The following S100A10 variants were observed in gnomAD, a reference collection of about 807,000 sequenced individuals.
S100A10 encodes the protein protein S100-A10.
In S100A10, 3 loss-of-function variants were observed where a neutral mutation model predicts 7.1. The observed-to-expected ratio is 0.42, with a 90% confidence interval of 0.19 to 1.10. The LOEUF is 1.10. Ranked by LOEUF, S100A10 falls within the 50% of genes least tolerant of loss-of-function variation. The probability of loss-of-function intolerance (pLI) is 0.29; values close to 1 mark genes in which losing one functional copy is unlikely to be tolerated. For missense variants in S100A10, 101 were observed against 118.1 expected (o/e 0.86, Z 0.67); for synonymous variants, 41 against 39.3 (o/e 1.04, Z -0.16).
chr1:151,992,744 G>A (rs868166151), intron 1 of S100A10, among the ~76,000 whole-genome samples: 2 of 152,196 alleles, frequency 1.3e-5, no homozygotes, highest in Admixed American at 6.5e-5. Context: ...GGCAGAAAAC[G>A]GGGTGGGCTT....
In S100A10 at chr1:151,993,780, G is replaced by T. The variant is rs1308725033; in HGVS notation, c.-50C>A. 3 of 156,472 alleles carry T rather than the reference G, an allele frequency of 1.9e-5. No homozygotes were observed. Among genetic ancestry groups the T allele is most frequent in the South Asian group, 3.6e-4 (2 of 5,518 alleles). The allele number at this position is 156,472 out of a possible 1,614,324, so 9.7% of individuals were successfully genotyped here. A position where few individuals can be genotyped will look rare whatever the true frequency, so the allele number is the denominator to read the frequency against. ...GGCCGAGGCGCGGCGGACGCTGGGC[G>T]AGCTGGGCGAGCTGGACGCGGGGCG... On this transcript the variant is annotated 5_prime_UTR_variant, in exon 1 of 3. Transcript: ENST00000368811. The surrounding 1 kb of genome is among the most constrained non-coding windows in gnomAD (Gnocchi z 5.1).
Position 151,983,144 on chromosome 1 carries a change from G to T in S100A10, c.*19C>A, listed in dbSNP as rs530301685. 25 of 1,531,596 alleles carry T rather than the reference G, an allele frequency of 1.6e-5. No homozygotes were observed. The East Asian group carries it at 5.5e-4, about 34-fold the overall frequency. The allele number at this position is 1,531,596 out of a possible 1,614,324, so 94.9% of individuals were successfully genotyped here. On this transcript the variant is annotated 3_prime_UTR_variant, in exon 3 of 3. Transcript: ENST00000368811. ...TTGGGACAACTCTTATCAGGGAGGAGCGAACTGCTCATTTCTGCCTACTTC... is the reference window on the plus strand; with the variant it reads ...TTGGGACAACTCTTATCAGGGAGGATCGAACTGCTCATTTCTGCCTACTTC...
At chr1:151,987,870 C>A (rs1044116154) in intron 1 of S100A10, among the ~76,000 whole-genome samples, 1 of 152,168 alleles carries the variant, frequency 6.6e-6, no homozygotes. Context: ...TTATTTACTG[C>A]AATAAAGACA....
rs1347317949 is a variant in S100A10, at chr1:151,993,596, C to T, written c.-22+156G>A. ...GCTGCTGGCCTCGTTTGGGTGTGGC[C>T]CGGAGCACTGAGCAGCGGATTCCCC... is the stretch of plus-strand genomic sequence containing the variant. On this transcript the variant is annotated intron_variant, in intron 1 of 2. Coordinates refer to ENST00000368811, the MANE Select transcript of S100A10 (RefSeq NM_002966.3). This position sits in a 1 kb window ranked among gnomAD's most constrained non-coding sequence, Gnocchi z 5.1. Among the ~76,000 whole-genome samples the T allele has an allele frequency of 6.6e-6, 1 of 152,118 alleles. No homozygotes were observed. The highest frequency in any genetic ancestry group is 1.5e-5 in the Non-Finnish European group (1 of 67,992).
At chr1:151,992,117 G>C (rs1397964155) in intron 1 of S100A10, among the ~76,000 whole-genome samples, 1 of 152,162 alleles carries the variant, frequency 6.6e-6, no homozygotes, top group East Asian at 1.9e-4. Flanking sequence ...AACTGGATAG[G>C]AATCTGTGGG....
At chr1:151,988,684 G>T (rs1162091884) in intron 1 of S100A10, among the ~76,000 whole-genome samples, 1 of 152,210 alleles carries the variant, frequency 6.6e-6, no homozygotes, top group African/African-American at 2.4e-5. Flanking sequence ...GCTGTGAGAT[G>T]AATTCCAGGG....
intron 1 of S100A10, among the ~76,000 whole-genome samples, chr1:151,987,871 A>G (rs1272692623): frequency 6.6e-6 from 1 of 152,170 alleles, no homozygotes; most frequent in Non-Finnish European, 1.5e-5. Flanking sequence ...TATTTACTGC[A>G]ATAAAGACAG....
intron 2 of S100A10, among the ~76,000 whole-genome samples, chr1:151,985,500 A>T (rs146442284): frequency 1.5e-5 from 2 of 133,688 alleles, no homozygotes; most frequent in African/African-American, 5.4e-5. Context: ...TTATGTGAAA[A>T]GCAGTTATTT....
intron 1 of S100A10, among the ~76,000 whole-genome samples, chr1:151,987,016 T>A (rs1655804711): frequency 7.0e-6 from 1 of 142,606 alleles, no homozygotes; most frequent in Non-Finnish European, 1.5e-5. Context: ...AAAAGCAACA[T>A]CAGTGTTCCT....
intron 1 of S100A10, 112 bp from the exon 2 acceptor site, chr1:151,986,363 C>T (rs1399356742): frequency 4.0e-6 from 3 of 756,692 alleles, no homozygotes; most frequent in Non-Finnish European, 6.3e-6. Flanking sequence ...TTAATGTGTA[C>T]AACATGATGT....
chr1:151,988,982 CAAAGATCCCAG>C (rs1655851704), intron 1 of S100A10, among the ~76,000 whole-genome samples: 1 of 152,156 alleles, frequency 6.6e-6, no homozygotes, highest in Admixed American at 6.5e-5. Flanking sequence ...GATCAATTCC[CAAAGATCCCAG>C]AAATTGGAAC....
intron 1 of S100A10, among the ~76,000 whole-genome samples, chr1:151,988,799 G>C (rs918246149): frequency 3.9e-5 from 6 of 152,100 alleles, no homozygotes; most frequent in Admixed American, 2.0e-4. Flanking sequence ...AGTCTGCCTT[G>C]CCTGGACTGG....
intron 2 of S100A10, among the ~76,000 whole-genome samples, chr1:151,984,788 T>C (rs1314397068): frequency 1.3e-5 from 2 of 152,208 alleles, no homozygotes; most frequent in Non-Finnish European, 2.9e-5. Context: ...AAAGTGAAAG[T>C]GACCTTGCAG....
At chr1:151,988,390 G>A (rs1655840654) in intron 1 of S100A10, among the ~76,000 whole-genome samples, 1 of 152,218 alleles carries the variant, frequency 6.6e-6, no homozygotes, top group Non-Finnish European at 1.5e-5. Flanking sequence ...CTGCTGAAGA[G>A]CTCTAATGGG....
Position 151,993,578 on chromosome 1 carries a change from G to A in S100A10, c.-22+174C>T, listed in dbSNP as rs984098210. On this transcript the variant is annotated intron_variant, in intron 1 of 2. Coordinates refer to ENST00000368811, the MANE Select transcript of S100A10 (RefSeq NM_002966.3). The surrounding 1 kb of genome is among the most constrained non-coding windows in gnomAD (Gnocchi z 5.1). ...CCCGGGCCGGGGAGGGGCGCTGCTG[G>A]CCTCGTTTGGGTGTGGCCCGGAGCA... 6.6e-6 allele frequency among the ~76,000 whole-genome samples: 1 copy of A among 152,176 alleles called. No individual in the cohort carries two copies.
At chr1:151,991,719 C>T (rs1655908357) in intron 1 of S100A10, among the ~76,000 whole-genome samples, 1 of 152,170 alleles carries the variant, frequency 6.6e-6, no homozygotes, top group South Asian at 2.1e-4. Flanking sequence ...CATTGTTTCT[C>T]TCAACTTTAC....
chr1:151,985,300 A>C (rs1655767886), intron 2 of S100A10: 1 of 152,196 alleles, frequency 6.6e-6, no homozygotes. Context: ...GCAATGTTGC[A>C]CCTTCAGTTG....
chr1:151,983,216 T>A lies in S100A10; in HGVS notation c.241A>T (p.Ile81Phe), dbSNP rs1430960081. ...SFFSLIAGLT[I>F]ACNDYFVVHM... is the part of the protein sequence containing the mutation. ...ACTACAAAATAGTCATTGCATGCAA[T>A]GGTGAGGCCCGCAATTAGGGAAAAG... Residue 81 changes from isoleucine (I) to phenylalanine (F), a missense_variant, in exon 3 of 3, where the codon ATT (isoleucine) becomes TTT (phenylalanine). Coordinates refer to ENST00000368811, the MANE Select transcript of S100A10 (RefSeq NM_002966.3). The A allele has an allele frequency of 1.2e-6, 2 of 1,605,216 alleles. No homozygotes were observed. Among genetic ancestry groups the A allele is most frequent in the Non-Finnish European group, 1.7e-6 (2 of 1,176,612 alleles).
intron 2 of S100A10, chr1:151,984,190 G>A (rs898818331): frequency 6.6e-6 from 1 of 152,210 alleles, no homozygotes; most frequent in South Asian, 2.1e-4. Context: ...TGGCCTATTT[G>A]AGGTTGTTAA....
Sources: allele counts gnomAD v4.1 joint callset (sites outside exome capture counted in the v4.1 genomes callset), GRCh38; gene constraint gnomAD v4.1.1; non-coding constraint Gnocchi (gnomAD v3.1); transcripts MANE v1.5; gene names NCBI Gene and HGNC (gene_info 2026-07-23, HGNC 2026-07-21).